The following ABCC5 variants were observed in gnomAD, a reference collection of about 807,000 sequenced individuals.
ABCC5 encodes the protein ATP binding cassette subfamily C member 5.
A neutral mutation model predicts 160.9 loss-of-function variants in ABCC5; 61 were observed. That is an observed-to-expected ratio of 0.38 (90% confidence interval 0.31 to 0.47). The LOEUF (loss-of-function observed/expected upper bound fraction) is 0.47. Among genes scored for constraint, ABCC5 ranks in the 20% least tolerant of loss-of-function variants. The pLI, the probability that ABCC5 is intolerant of heterozygous loss-of-function variation, is 0.99. For synonymous variants in ABCC5, 666 were observed against 700.6 expected (o/e 0.95, Z 0.78); for missense variants, 1,308 against 1,813.3 (o/e 0.72, Z 5.06).
In ABCC5 at chr3:183,949,683, C is replaced by A; in HGVS notation, c.3227+70G>T. The A allele has an allele frequency of 6.4e-7, 1 of 1,571,530 alleles. No individual in the cohort carries two copies. The highest frequency in any genetic ancestry group is 8.6e-7 in the Non-Finnish European group (1 of 1,156,958). On this transcript the variant is annotated intron_variant, in intron 22 of 29. Transcript: ENST00000334444. This position sits in a 1 kb window ranked among gnomAD's most constrained non-coding sequence, Gnocchi z 4.2. Reference sequence around the variant, plus strand: ...ATCCCCATCTCTGGCCTTGAAGAGCCTCCCGGACAAGTATCAAACGCTGGG... The same window carrying A: ...ATCCCCATCTCTGGCCTTGAAGAGCATCCCGGACAAGTATCAAACGCTGGG...
chr3:183,936,213 C>T (rs1266132288), intron 26 of ABCC5, among the ~76,000 whole-genome samples: 3 of 152,138 alleles, frequency 2.0e-5, no homozygotes, highest in Non-Finnish European at 4.4e-5. Flanking sequence ...GAGGACAGAA[C>T]AAGACAACCA....
Position 183,982,573 on chromosome 3 carries a change from C to A in ABCC5, c.877G>T (p.Val293Phe). The A allele has an allele frequency of 6.2e-7, 1 of 1,614,138 alleles. No homozygotes were observed. Among genetic ancestry groups the A allele is most frequent in the Non-Finnish European group, 8.5e-7 (1 of 1,180,026 alleles). ...GGTCCTCCAGCCAGCAGGCTGCCAA[C>A]GGCTGCTGCCTCAAACATTCTCTGC... ...DGQRMFEAAA[V>F]GSLLAGGPVV... Residue 293 changes from valine (V) to phenylalanine (F), a missense_variant, in exon 7 of 30, where the codon GTT (valine) becomes TTT (phenylalanine). Physicochemically the swap from Val to Phe is conservative, Grantham distance 50. Around this residue, in one of 3 missense-constraint regions of ABCC5, gnomAD observed 1,142 missense variants for 1,527.1 expected, o/e 0.75. Transcript: ENST00000334444. This position sits in a 1 kb window ranked among gnomAD's most constrained non-coding sequence, Gnocchi z 5.2.
At chr3:183,922,067 AAATAAATAAATAAAAAAC>A (rs1712043629) in intron 29 of ABCC5, among the ~76,000 whole-genome samples, 1 of 148,338 alleles carries the variant, frequency 6.7e-6, no homozygotes, top group Non-Finnish European at 1.5e-5. Flanking sequence ...ATAAATAAAT[AAATAAATAAATAAAAAAC>A]AACAGGCTGG....
At chr3:183,929,621 A>C (rs1712972053) in intron 26 of ABCC5, among the ~76,000 whole-genome samples, 2 of 152,138 alleles carry the variant, frequency 1.3e-5, no homozygotes, top group African/African-American at 4.8e-5. Context: ...AGAAAGAATA[A>C]AGGACAAGTC....
At chr3:183,996,703 C>A (rs1204502165) in intron 2 of ABCC5, among the ~76,000 whole-genome samples, 1 of 152,108 alleles carries the variant, frequency 6.6e-6, no homozygotes, top group Non-Finnish European at 1.5e-5. Context: ...TAACAAACCC[C>A]CATAAAAGTG....
intron 23 of ABCC5, among the ~76,000 whole-genome samples, chr3:183,946,723 C>T (rs1405054362): frequency 6.6e-6 from 1 of 152,058 alleles, no homozygotes; most frequent in Non-Finnish European, 1.5e-5. Flanking sequence ...AATATTTCAG[C>T]TTGTACCTCT....
At chr3:183,948,182 T>C (rs1271919104) in intron 22 of ABCC5, among the ~76,000 whole-genome samples, 1 of 152,258 alleles carries the variant, frequency 6.6e-6, no homozygotes, top group Admixed American at 6.5e-5. Flanking sequence ...GCAGGAAGTT[T>C]TGCTGCGCAG....
At chr3:184,009,257 T>A (rs1187516700) in intron 2 of ABCC5, among the ~76,000 whole-genome samples, 3 of 152,226 alleles carry the variant, frequency 2.0e-5, no homozygotes, top group Non-Finnish European at 4.4e-5. Context: ...TGTATCCTTA[T>A]CTTTTGTTAC....
intron 5 of ABCC5, chr3:183,984,801 C>CT: frequency 6.3e-7 from 1 of 1,575,348 alleles, no homozygotes; most frequent in South Asian, 1.1e-5. Context: ...CCAAAGCCCC[C>CT]TTTTCCTCAC....
At position 184,014,345 on chromosome 3, in the gene ABCC5, C is replaced by T. The variant is rs200431053; in HGVS notation, c.48G>A (p.Gly16=). Residue 16 remains glycine, a synonymous_variant, in exon 2 of 30, where the codon GGG becomes GGA. Transcript: ENST00000334444. ...TGGTTCTCTCCCTCACACTTCTATA[C>T]CCAGGACTGGGGATGATATACTCTT... ...IGKEYIIPSP[G]YRSVRERTST... is the part of the protein sequence containing the mutation. 3.1e-6 allele frequency: 5 copies of T among 1,613,866 alleles called. No homozygotes were observed. The highest frequency in any genetic ancestry group is 1.7e-5 in the Admixed American group (1 of 59,978).
intron 24 of ABCC5, among the ~76,000 whole-genome samples, chr3:183,944,403 A>G (rs1486749824): frequency 6.6e-6 from 1 of 152,122 alleles, no homozygotes; most frequent in Non-Finnish European, 1.5e-5. Context: ...AAAAAAAATA[A>G]AAAAATAAAA....
chr3:183,937,732 G>C (rs965364736), intron 26 of ABCC5, among the ~76,000 whole-genome samples, 169 bp downstream of exon 26: 1 of 152,196 alleles, frequency 6.6e-6, no homozygotes, highest in Non-Finnish European at 1.5e-5. Context: ...CATTGTGAGT[G>C]GTGCTGCCTC....
chr3:183,922,978 T>A (rs971554275), intron 29 of ABCC5, among the ~76,000 whole-genome samples: 1 of 152,118 alleles, frequency 6.6e-6, no homozygotes, highest in African/African-American at 2.4e-5. Context: ...CAAAATCCCA[T>A]CCTCCAAACC....
At chr3:183,934,736 C>T (rs988418406) in intron 26 of ABCC5, among the ~76,000 whole-genome samples, 1 of 152,184 alleles carries the variant, frequency 6.6e-6, no homozygotes, top group Non-Finnish European at 1.5e-5. Flanking sequence ...AGGGTGGTCT[C>T]GAACTCCTGA....
chr3:183,974,313 T>G (rs1356489633), intron 10 of ABCC5, among the ~76,000 whole-genome samples: 2 of 152,112 alleles, frequency 1.3e-5, no homozygotes, highest in East Asian at 3.8e-4. Context: ...ATTAATGTAT[T>G]TATTTATTTT....
chr3:183,939,633 C>T (rs898341437), intron 25 of ABCC5, among the ~76,000 whole-genome samples: 10 of 152,286 alleles, frequency 6.6e-5, no homozygotes, highest in South Asian at 6.2e-4. Flanking sequence ...TTTACTGCCA[C>T]CTCAGACAAT....
At chr3:183,993,647 A>T (rs905980537) in intron 2 of ABCC5, among the ~76,000 whole-genome samples, 2 of 152,110 alleles carry the variant, frequency 1.3e-5, no homozygotes, top group Admixed American at 1.3e-4. Context: ...CATGCACCCC[A>T]CTGCAGATTA....
chr3:184,016,095 C>A (rs943693099), intron 1 of ABCC5, among the ~76,000 whole-genome samples: 2 of 152,152 alleles, frequency 1.3e-5, no homozygotes, highest in African/African-American at 4.8e-5. Flanking sequence ...ACCAAAGATT[C>A]TTTCAACCAC....
intron 2 of ABCC5, among the ~76,000 whole-genome samples, chr3:183,991,079 C>A (rs975913333): frequency 6.6e-6 from 1 of 151,882 alleles, no homozygotes; most frequent in African/African-American, 2.4e-5. Context: ...ATCGGTTGAG[C>A]TCAGGAGTTC....
Sources: gnomAD v4.1 joint callset for allele counts (sites outside exome capture counted in the v4.1 genomes callset) on GRCh38, gnomAD v4.1.1 for gene constraint, gnomAD v4.1.1 regional missense constraint, Gnocchi (gnomAD v3.1) non-coding constraint, MANE v1.5 for transcripts, NCBI Gene and HGNC (gene_info 2026-07-23, HGNC 2026-07-21) for gene names.